Variants in TTN observed in about 807,000 individuals in gnomAD.
TTN encodes the protein titin, also known as connectin.
A neutral mutation model predicts 3,223.0 loss-of-function variants in TTN; 1,525 were observed. The observed-to-expected ratio is 0.47, with a 90% CI of 0.45 to 0.49. The LOEUF (loss-of-function observed/expected upper bound fraction) is 0.49. Among genes scored for constraint, TTN ranks in the 20% least tolerant of loss-of-function variants. TTN has a pLI of 0.00. For synonymous variants in TTN, 14,094 were observed against 15,161.0 expected (o/e 0.93, Z 5.17); for missense variants, 40,786 against 43,424.0 (o/e 0.94, Z 5.40).
chr2:178,784,368 T>G lies in TTN; in HGVS notation c.2494-17A>C, dbSNP rs768930865. ...TATTGATGCCTACATGGAAACAGAG[T>G]CAGAAAATAAAGTCATTTAACCATC... On this transcript the variant is annotated splice_polypyrimidine_tract_variant and intron_variant, in intron 15 of 362. Coordinates refer to ENST00000589042, the MANE Select transcript of TTN (RefSeq NM_001267550.2). The G allele has an allele frequency of 1.3e-5, 21 of 1,613,502 alleles. No individual in the cohort carries two copies. In the Admixed American group the frequency reaches 3.5e-4, roughly 27 times the overall value.
Position 178,564,038 on chromosome 2 carries a change from T to C in TTN, c.82094A>G (p.Lys27365Arg). 1 of 1,613,780 alleles carries C rather than the reference T, an allele frequency of 6.2e-7. No individual in the cohort carries two copies. ...GGTKSIPITVKVLDRPGPPEG... is the reference protein window; with the variant it reads ...GGTKSIPITVRVLDRPGPPEG... ...AGGAGGCCCTGGCCTGTCAAGTACC[T>C]TTACAGTGATGGGTATAGACTTTGT... Residue 27365 changes from lysine (K) to arginine (R), a missense_variant, in exon 326 of 363, where the codon AAG becomes AGG. By Grantham distance (26) the Lys-to-Arg change is conservative. Transcript: ENST00000589042.
intron 282 of TTN, among the ~76,000 whole-genome samples, chr2:178,602,857 T>C (rs578228613): frequency 3.9e-5 from 6 of 152,028 alleles, no homozygotes; most frequent in Non-Finnish European, 7.4e-5. Context: ...ATTCTATTTA[T>C]ACATGATTGG....
rs372618781 is a variant in TTN, at chr2:178,608,474, G to A, written c.52409C>T (p.Pro17470Leu). The A allele has an allele frequency of 6.3e-7, 1 of 1,578,276 alleles. No homozygotes were observed. Among genetic ancestry groups the A allele is most frequent in the Admixed American group, 1.9e-5 (1 of 51,464 alleles). ...KPLVAKDPFG[P>L]PDAPDKPIVE... is the part of the protein sequence containing the mutation. ...AATGGGCTTATCTGGTGCATCAGGT[G>A]GTCCTGATAAAAAAATAACATTTGA... is the stretch of plus-strand genomic sequence containing the variant. Residue 17470 changes from proline to leucine, a missense_variant, in exon 275 of 363, where the codon CCA becomes CTA. Physicochemically the swap from Pro to Leu is moderately conservative, Grantham distance 98 (BLOSUM62 -3). Transcript: ENST00000589042.
intron 240 of TTN, among the ~76,000 whole-genome samples, chr2:178,629,087 T>A (rs1057436693): frequency 6.6e-6 from 1 of 152,054 alleles, no homozygotes; most frequent in African/African-American, 2.4e-5. Flanking sequence ...TTTAAATTTA[T>A]TTCAATTTCA....
intron 326 of TTN, chr2:178,558,863 C>A: frequency 1.2e-5 from 6 of 514,002 alleles, no homozygotes; most frequent in South Asian, 2.8e-5. Context: ...GGTAAAATGA[C>A]CAGATTAAAT....
rs1466606975 is a variant in TTN, at chr2:178,537,027, C to T, written c.100082G>A (p.Gly33361Asp). 1.2e-6 allele frequency: 2 copies of T among 1,613,074 alleles called. No homozygotes were observed. The highest frequency in any genetic ancestry group is 1.3e-5 in the African/African-American group (1 of 74,884). ...CTGAGCTGAAACCCGGAAGTAATAGCCAGCATTTTCTGTGAGGTTCACAAT... is the reference window on the plus strand; with the variant it reads ...CTGAGCTGAAACCCGGAAGTAATAGTCAGCATTTTCTGTGAGGTTCACAAT... ...CRIVNLTENA[G>D]YYFRVSAQNT... The change falls in exon 356 of 363, where the codon GGC becomes GAC. Residue 33361 changes from glycine to aspartate, a missense_variant. Transcript: ENST00000589042.
rs1706064410 is a variant in TTN at position 178,566,862 on chromosome 2, C to T, written c.79270G>A (p.Glu26424Lys). 1 of 1,613,340 alleles carries T rather than the reference C, an allele frequency of 6.2e-7. No homozygotes were observed. The highest frequency in any genetic ancestry group is 8.5e-7 in the Non-Finnish European group (1 of 1,179,664). The change falls in exon 326 of 363, where the codon GAG becomes AAG. Residue 26424 changes from glutamate (E) to lysine (K), a missense_variant. By Grantham distance (56) the Glu-to-Lys change is moderately conservative. Coordinates refer to ENST00000589042, the MANE Select transcript of TTN (RefSeq NM_001267550.2). ...CGAATGCCACTTCTGTCTCTTTTCTCTACAATGTAACCAATAATCTCACTT... is the reference window on the plus strand; with the variant it reads ...CGAATGCCACTTCTGTCTCTTTTCTTTACAATGTAACCAATAATCTCACTT... ...GGSEIIGYIV[E>K]KRDRSGIRWI...
chr2:178,767,707 T>C (rs2090725969), intron 40 of TTN, 52 bp downstream of exon 40: 2 of 1,600,760 alleles, frequency 1.2e-6, no homozygotes, highest in East Asian at 2.2e-5. Flanking sequence ...TATAAAATGA[T>C]AGATTATGGA....
intron 112 of TTN, 50 bp downstream of exon 112, chr2:178,698,792 GT>G: frequency 6.7e-7 from 1 of 1,502,208 alleles, no homozygotes. Flanking sequence ...GAATTTAAAA[GT>G]TTTGGCCAAG....
At chr2:178,762,319 A>C (rs1460043949) in intron 43 of TTN, among the ~76,000 whole-genome samples, 1 of 152,244 alleles carries the variant, frequency 6.6e-6, no homozygotes, top group East Asian at 1.9e-4. Context: ...ATGTGTACAG[A>C]TATTACCACA....
chr2:178,637,900 T>A (rs765841536), intron 223 of TTN, among the ~76,000 whole-genome samples: 8 of 151,880 alleles, frequency 5.3e-5, no homozygotes, highest in Non-Finnish European at 1.0e-4. Context: ...GGAAAAAGAG[T>A]CCATGTACCA....
intron 201 of TTN, 38 bp from the exon 202 acceptor site, chr2:178,652,579 G>A (rs1576977983): frequency 6.2e-7 from 1 of 1,611,690 alleles, no homozygotes. Context: ...TAGAAGTTAT[G>A]AAGACCATTA....
At position 178,712,006 on chromosome 2, in the gene TTN, T is replaced by G; in HGVS notation, c.27824A>C (p.Tyr9275Ser). The stretch of plus-strand genomic sequence containing the variant: ...CACGCTGTTTTCAGCTTTGCAGATA[T>G]ATTCTCCACTATCATTAATATCAAC... ...NQVDINDSGE[Y>S]ICKAENSVGE... The change falls in exon 96 of 363, where the codon TAT becomes TCT. Residue 9275 changes from tyrosine to serine, a missense_variant. By Grantham distance (144) the Tyr-to-Ser change is moderately radical. Coordinates refer to ENST00000589042, the MANE Select transcript of TTN (RefSeq NM_001267550.2). 1.2e-6 allele frequency: 2 copies of G among 1,613,526 alleles called. No individual in the cohort carries two copies. Among genetic ancestry groups the G allele is most frequent in the Non-Finnish European group, 1.7e-6 (2 of 1,179,628 alleles).
chr2:178,579,769 G>A lies in TTN; in HGVS notation c.67428C>T (p.His22476=), dbSNP rs772184456. 1.9e-6 allele frequency: 3 copies of A among 1,613,180 alleles called. No homozygotes were observed. Among genetic ancestry groups the A allele is most frequent in the Non-Finnish European group, 2.5e-6 (3 of 1,179,526 alleles). The part of the protein sequence containing the change: ...SSCSIGWKKP[H]SDGGSRIIGY... Reference sequence around the variant, plus strand: ...CAATAATCCGACTTCCACCATCACTGTGAGGCTTTTTCCAGCCAATGCTAC... The same window carrying A: ...CAATAATCCGACTTCCACCATCACTATGAGGCTTTTTCCAGCCAATGCTAC... The change falls in exon 319 of 363, where the codon CAC becomes CAT. Residue 22476 remains histidine, a synonymous_variant. Coordinates refer to ENST00000589042, the MANE Select transcript of TTN (RefSeq NM_001267550.2).
intron 13 of TTN, among the ~76,000 whole-genome samples, chr2:178,789,023 T>C (rs938491393): frequency 6.6e-6 from 1 of 152,128 alleles, no homozygotes; most frequent in African/African-American, 2.4e-5. Context: ...CATTTACTTA[T>C]ACATCTTCCG....
chr2:178,750,985 T>G, intron 47 of TTN: 1 of 1,612,788 alleles, frequency 6.2e-7, no homozygotes, highest in East Asian at 2.2e-5. Context: ...TCATTCTTAT[T>G]TCAGTCTGGA....
chr2:178,613,159 A>T lies in TTN; in HGVS notation c.49648+2T>A. ...TAACCACAAAAATTATATAAATAAT[A>T]CCTATGGGATCCTTTATTAAGATTG... is the stretch of plus-strand genomic sequence containing the variant. On this transcript the variant is annotated splice_donor_variant, in intron 264 of 362. Coordinates refer to ENST00000589042, the MANE Select transcript of TTN (RefSeq NM_001267550.2). LOFTEE classifies it high-confidence loss of function. The T allele has an allele frequency of 6.2e-7, 1 of 1,608,600 alleles. No individual in the cohort carries two copies. The highest frequency in any genetic ancestry group is 8.5e-7 in the Non-Finnish European group (1 of 1,177,868).
chr2:178,534,475 A>C lies in TTN; in HGVS notation c.102140T>G (p.Met34047Arg), dbSNP rs745563787. 1 of 1,613,678 alleles carries C rather than the reference A, an allele frequency of 6.2e-7. No individual in the cohort carries two copies. Among genetic ancestry groups the C allele is most frequent in the Non-Finnish European group, 8.5e-7 (1 of 1,179,826 alleles). ...CACTAACAACCGGTCAACAAAATCC[A>C]TGGCTTCAATGCTAATCTCTTTGAA... is the stretch of plus-strand genomic sequence containing the variant. ...EAFKEISIEA[M>R]DFVDRLLVKE... The change falls in exon 358 of 363, where the codon ATG (methionine) becomes AGG (arginine). Residue 34047 changes from methionine (M) to arginine (R), a missense_variant. Physicochemically the swap from Met to Arg is moderately conservative, Grantham distance 91. Coordinates refer to ENST00000589042, the MANE Select transcript of TTN (RefSeq NM_001267550.2).
intron 15 of TTN, 113 bp downstream of exon 15, chr2:178,785,507 C>T: frequency 6.7e-7 from 1 of 1,489,424 alleles, no homozygotes; most frequent in East Asian, 2.3e-5. Context: ...CACACGCACA[C>T]ACACATCACC....
Sources: gnomAD v4.1 joint callset for allele counts (sites outside exome capture counted in the v4.1 genomes callset) on GRCh38, gnomAD v4.1.1 for gene constraint, MANE v1.5 for transcripts, NCBI Gene and HGNC (gene_info 2026-07-23, HGNC 2026-07-21) for gene names.